The following MARCHF3 variants were observed in gnomAD, a reference collection of about 807,000 sequenced individuals.
MARCHF3 encodes the protein E3 ubiquitin-protein ligase MARCHF3.
MARCHF3 carries 13 observed loss-of-function variants against 24.2 expected under a neutral mutation model. The observed-to-expected ratio is 0.54, with a 90% CI of 0.35 to 0.85. MARCHF3 has a LOEUF of 0.85. MARCHF3 is among the 40% of genes least tolerant of loss of function. The pLI is 0.01. For missense variants in MARCHF3, 276 were observed against 325.0 expected, an observed-to-expected ratio of 0.85 and a Z score of 1.16; for synonymous variants, 144 against 137.3, an observed-to-expected ratio of 1.05 and a Z score of -0.34.
intron 1 of MARCHF3, among the ~76,000 whole-genome samples, chr5:127,010,572 C>T (rs1370080880): frequency 6.6e-6 from 1 of 152,156 alleles, no homozygotes; most frequent in East Asian, 1.9e-4. Context: ...AATGTTCATT[C>T]TGAAGGAATG....
intron 1 of MARCHF3, among the ~76,000 whole-genome samples, chr5:126,922,572 A>G (rs1180986665): frequency 6.8e-6 from 1 of 146,320 alleles, no homozygotes; most frequent in African/African-American, 2.5e-5. Flanking sequence ...TTTGAGTCGG[A>G]GTCTCACTCT....
intron 1 of MARCHF3, among the ~76,000 whole-genome samples, chr5:126,928,760 T>C (rs1749382389): frequency 6.6e-6 from 1 of 152,200 alleles, no homozygotes; most frequent in Non-Finnish European, 1.5e-5. Context: ...CAGGAGAATG[T>C]ATATATGCCA....
At chr5:127,024,141 G>T (rs1167132783) in intron 1 of MARCHF3, among the ~76,000 whole-genome samples, 1 of 152,162 alleles carries the variant, frequency 6.6e-6, no homozygotes, top group Non-Finnish European at 1.5e-5. Context: ...AGAGGAGGAG[G>T]CAAGGTAGAA....
intron 1 of MARCHF3, among the ~76,000 whole-genome samples, chr5:126,927,822 C>T (rs1394799348): frequency 1.3e-5 from 2 of 152,066 alleles, no homozygotes; most frequent in East Asian, 3.9e-4. Flanking sequence ...TAGGCCCAGC[C>T]CTGCCAAAAA....
At chr5:126,986,217 C>A (rs1324707488) in intron 1 of MARCHF3, among the ~76,000 whole-genome samples, 2 of 152,200 alleles carry the variant, frequency 1.3e-5, no homozygotes, top group Admixed American at 1.3e-4. Context: ...ACATTTCAGA[C>A]AGGGCCCAAG....
intron 1 of MARCHF3, among the ~76,000 whole-genome samples, chr5:126,992,766 A>ATTTTTTTTTTTTTTTTTTTTT (rs757479478): frequency 7.3e-5 from 7 of 95,504 alleles, no homozygotes; most frequent in African/African-American, 2.1e-4. Flanking sequence ...CATCCACGTG[A>ATTTTTTTTTTTTTTTTTTTTT]TTTTTTTTTT....
At chr5:126,925,557 C>A (rs1228985330) in intron 1 of MARCHF3, among the ~76,000 whole-genome samples, 2 of 152,128 alleles carry the variant, frequency 1.3e-5, no homozygotes, top group Admixed American at 6.5e-5. Flanking sequence ...ATCCATTTTT[C>A]ATTTAATTTT....
At chr5:126,953,799 T>G (rs1750334979) in intron 1 of MARCHF3, among the ~76,000 whole-genome samples, 1 of 152,172 alleles carries the variant, frequency 6.6e-6, no homozygotes. Flanking sequence ...TCCTCCCCCT[T>G]TGTCTGCTCT....
At chr5:126,923,984 G>A (rs1326023607) in intron 1 of MARCHF3, among the ~76,000 whole-genome samples, 2 of 151,730 alleles carry the variant, frequency 1.3e-5, no homozygotes, top group South Asian at 4.2e-4. Context: ...TTCCTAGGAA[G>A]TTTCTGGTGG....
intron 1 of MARCHF3, among the ~76,000 whole-genome samples, chr5:126,996,814 AT>A (rs1388541261): frequency 3.3e-5 from 5 of 152,176 alleles, no homozygotes; most frequent in African/African-American, 9.7e-5. Context: ...AAGAAAAAAA[AT>A]AAGCGTGAAG....
chr5:126,876,970 G>A (rs1753182801), intron 4 of MARCHF3, among the ~76,000 whole-genome samples: 3 of 152,218 alleles, frequency 2.0e-5, no homozygotes. Context: ...ACTTCTAAAG[G>A]AAGCAATAAT....
chr5:126,906,420 G>A (rs567832165), intron 3 of MARCHF3, among the ~76,000 whole-genome samples: 162 of 152,324 alleles, frequency 1.1e-3, no homozygotes, highest in South Asian at 2.3e-3. Context: ...ACCTCTGGTA[G>A]AATTCGGCTG....
chr5:126,979,277 A>G (rs1221161352), intron 1 of MARCHF3, among the ~76,000 whole-genome samples: 3 of 152,192 alleles, frequency 2.0e-5, no homozygotes, highest in African/African-American at 7.2e-5. Context: ...TTGTATTTCT[A>G]AGGTCTAGCA....
rs112980174 is a variant in MARCHF3, at chr5:126,994,003, C to T, written c.-57+36347G>A. On this transcript the variant is annotated intron_variant, in intron 1 of 4. Coordinates refer to ENST00000308660, the MANE Select transcript of MARCHF3 (RefSeq NM_178450.5). ...ATACACCTGTCATTCTACCTAGTAACCTCACACCTAGATATTTAGGTAAGA... is the reference window on the plus strand; with the variant it reads ...ATACACCTGTCATTCTACCTAGTAATCTCACACCTAGATATTTAGGTAAGA... 2.5e-3 allele frequency among the ~76,000 whole-genome samples: 377 copies of T among 152,278 alleles called. 1 individual carries two copies. The highest frequency in any genetic ancestry group is 8.1e-3 in the African/African-American group (335 of 41,544).
In MARCHF3 at chr5:126,895,535, G is replaced by A. The variant is rs1387491120; in HGVS notation, c.394-17141C>T. On this transcript the variant is annotated intron_variant, in intron 3 of 4. Transcript: ENST00000308660. Reference sequence around the variant, plus strand: ...TTGTTAGTTTTCCTTCTGACAGACAGGACCCTCAGCTGCAGGTCTGTTGGA... The same window carrying A: ...TTGTTAGTTTTCCTTCTGACAGACAAGACCCTCAGCTGCAGGTCTGTTGGA... Among the ~76,000 whole-genome samples the A allele has an allele frequency of 4.6e-5, 7 of 152,228 alleles. No homozygotes were observed. In the South Asian group the frequency reaches 1.4e-3, roughly 32 times the overall value.
At chr5:126,936,588 G>T (rs1384879805) in intron 1 of MARCHF3, among the ~76,000 whole-genome samples, 2 of 152,274 alleles carry the variant, frequency 1.3e-5, no homozygotes, top group South Asian at 2.1e-4. Context: ...GGTAGCAAGT[G>T]ATTCTTAATT....
chr5:126,872,667 A>G (rs1753012458), intron 4 of MARCHF3, among the ~76,000 whole-genome samples: 1 of 152,202 alleles, frequency 6.6e-6, no homozygotes, highest in Non-Finnish European at 1.5e-5. Context: ...CTTGATCAGA[A>G]TGGGCTTTTT....
chr5:126,925,646 A>C (rs191195241), intron 1 of MARCHF3, among the ~76,000 whole-genome samples: 1 of 152,344 alleles, frequency 6.6e-6, no homozygotes, highest in Admixed American at 6.5e-5. Flanking sequence ...GCTGAATTGC[A>C]CTTGTAAATA....
intron 2 of MARCHF3, among the ~76,000 whole-genome samples, chr5:126,916,718 C>CACACACAT (rs1399282050): frequency 8.3e-6 from 1 of 121,092 alleles, no homozygotes; most frequent in African/African-American, 2.6e-5. Context: ...CACACACACA[C>CACACACAT]ACACACACAC....
Sources: allele counts gnomAD v4.1 joint callset (sites outside exome capture counted in the v4.1 genomes callset), GRCh38; gene constraint gnomAD v4.1.1; transcripts MANE v1.5; gene names NCBI Gene and HGNC (gene_info 2026-07-23, HGNC 2026-07-21).